CLU: variants seen among roughly 807,000 people sequenced by gnomAD.
The protein encoded by CLU is aging-associated protein 4.
CLU carries 25 observed loss-of-function variants against 46.4 expected under a neutral mutation model. The ratio of observed to expected loss-of-function variants is 0.54; its 90% confidence interval spans 0.39 to 0.75. The LOEUF (loss-of-function observed/expected upper bound fraction) is 0.75, where lower values mean the gene tolerates loss of function less well. CLU is among the 30% of genes least tolerant of loss of function. The pLI is 0.00. For missense variants in CLU, 504 were observed against 592.1 expected, an observed-to-expected ratio of 0.85 and a Z score of 1.54; for synonymous variants, 235 against 235.1, an observed-to-expected ratio of 1.00 and a Z score of 0.00.
rs2132846850 is a variant in CLU, at chr8:27,597,296, C to CT, written c.*944dup. 1 of 454,520 alleles carries CT rather than the reference C, an allele frequency of 2.2e-6. No individual in the cohort carries two copies. The highest frequency in any genetic ancestry group is 4.4e-6 in the Non-Finnish European group (1 of 226,788). 28.2% of individuals were successfully genotyped at this position (454,520 alleles called of 1,614,324 possible). Reference sequence around the variant, plus strand: ...TGAACGAAAAGCCTGAGCTTTAAGACTGAGATTGGTACCACGGGTAGTCAT... The same window carrying CT: ...TGAACGAAAAGCCTGAGCTTTAAGACTTGAGATTGGTACCACGGGTAGTCAT... On this transcript the variant is annotated 3_prime_UTR_variant, in exon 9 of 9. Coordinates refer to ENST00000316403, the MANE Select transcript of CLU (RefSeq NM_001831.4).
chr8:27,605,478 CA>C, intron 4 of CLU, 143 bp from the exon 5 acceptor site: 1 of 796,290 alleles, frequency 1.3e-6, no homozygotes, highest in South Asian at 1.5e-5. Flanking sequence ...CAGCTGGGAC[CA>C]GCCCCCAGCA....
chr8:27,611,235 C>A, intron 1 of CLU: 1 of 454,254 alleles, frequency 2.2e-6, no homozygotes, highest in South Asian at 1.6e-5. Flanking sequence ...TTGGGCCGGG[C>A]TGCCTGTGCA....
At chr8:27,610,423 C>T in intron 2 of CLU, 52 bp downstream of exon 2, 1 of 1,462,432 alleles carries the variant, frequency 6.8e-7, no homozygotes, top group Non-Finnish European at 9.6e-7. Context: ...CTACCCTGCC[C>T]TCTGACCTCA....
Position 27,605,276 on chromosome 8 carries a change from G to A in CLU, c.477C>T (p.Ile159=), listed in dbSNP as rs760175165. The A allele has an allele frequency of 2.2e-5, 35 of 1,614,074 alleles. No homozygotes were observed. Among genetic ancestry groups the A allele is most frequent in the East Asian group, 8.9e-5 (4 of 44,896 alleles). Reference sequence around the variant, plus strand: ...GCCGGTCGTTCTCCAGCAGGGAGTCGATGCGGTCACCATTCATCCAGAAGT... The same window carrying A: ...GCCGGTCGTTCTCCAGCAGGGAGTCAATGCGGTCACCATTCATCCAGAAGT... The part of the protein sequence containing the change: ...PFYFWMNGDR[I]DSLLENDRQQ... Residue 159 remains isoleucine (I), a synonymous_variant, in exon 5 of 9, where the codon ATC becomes ATT. Transcript: ENST00000316403.
At chr8:27,608,615 T>G (rs1464966678) in intron 3 of CLU, 3 of 513,062 alleles carry the variant, frequency 5.8e-6, no homozygotes, top group Non-Finnish European at 1.1e-5. Flanking sequence ...ACGCCACGCC[T>G]GTCTGGGCCC....
In CLU at chr8:27,598,493, T is replaced by TCCG; in HGVS notation, c.1304_1306dup (p.Ala435dup). The TCCG allele has an allele frequency of 6.2e-7, 1 of 1,614,112 alleles. No individual in the cohort carries two copies. Among genetic ancestry groups the TCCG allele is most frequent in the Non-Finnish European group, 8.5e-7 (1 of 1,180,036 alleles). On this transcript the variant is annotated inframe_insertion, in exon 8 of 9. Coordinates refer to ENST00000316403, the MANE Select transcript of CLU (RefSeq NM_001831.4). ...TTTGCGGTATTCCTGCAGCGCTTTCTCCGCCACGGTCTCCATAAATTTAGG... is the reference window on the plus strand; with the variant it reads ...TTTGCGGTATTCCTGCAGCGCTTTCTCCGCCGCCACGGTCTCCATAAATTTAGG...
intron 1 of CLU, among the ~76,000 whole-genome samples, chr8:27,613,427 C>G (rs577230573): frequency 2.0e-5 from 3 of 150,572 alleles, no homozygotes; most frequent in African/African-American, 7.3e-5. Flanking sequence ...GAAAGAAAAT[C>G]AATGACTGTG....
chr8:27,596,930 A>T lies in CLU; in HGVS notation c.*1311T>A, dbSNP rs552331350. 1.1e-5 allele frequency: 5 copies of T among 450,678 alleles called. No homozygotes were observed. In the Admixed American group the frequency reaches 1.2e-4, roughly 11 times the overall value. The allele number at this position is 450,678 out of a possible 1,614,324, so 27.9% of individuals were successfully genotyped here. A position where few individuals can be genotyped will look rare whatever the true frequency, so the allele number is the denominator to read the frequency against. On this transcript the variant is annotated 3_prime_UTR_variant, in exon 9 of 9. Transcript: ENST00000316403. ...GAAAAGAAAAAGTAACTTTTGAAAC[A>T]GTGTGACATTAATGTGACAATGTGA...
At chr8:27,602,672 T>C (rs893488422) in intron 6 of CLU, among the ~76,000 whole-genome samples, 2 of 152,026 alleles carry the variant, frequency 1.3e-5, no homozygotes, top group Non-Finnish European at 2.9e-5. Flanking sequence ...CAGTACGTGC[T>C]TATATGGTTG....
chr8:27,604,208 T>C, intron 6 of CLU, 83 bp downstream of exon 6: 2 of 1,080,790 alleles, frequency 1.9e-6, no homozygotes, highest in Non-Finnish European at 2.9e-6. Flanking sequence ...TCTGACTCCA[T>C]AAAGGCAGCA....
In CLU at chr8:27,608,957, T is replaced by A. The variant is rs372043736; in HGVS notation, c.227A>T (p.Glu76Val). ...ERKTLLSNLE[E>V]AKKKKEDALN... ...CCTGACCTCTTTCTTCTTCTTGGCT[T>A]CTTCTAGGTTGCTGAGCAGTGTCTT... Residue 76 changes from glutamate (E) to valine (V), a missense_variant, in exon 3 of 9, where the codon GAA (glutamate) becomes GTA (valine). Glu to Val is a moderately radical substitution (Grantham distance 121). This residue lies in a region of CLU where 73 missense variants were observed against 91.2 expected (regional missense o/e 0.80). Transcript: ENST00000316403. 3.1e-6 allele frequency: 5 copies of A among 1,614,244 alleles called. No homozygotes were observed.
chr8:27,601,109 C>T (rs1800712783), intron 6 of CLU, among the ~76,000 whole-genome samples: 1 of 152,156 alleles, frequency 6.6e-6, no homozygotes, highest in African/African-American at 2.4e-5. Flanking sequence ...AGTGCAATGG[C>T]GCGAGCTCAG....
At chr8:27,610,724 T>C (rs758492858) in intron 1 of CLU, 124 bp from the exon 2 acceptor site, 6 of 722,326 alleles carry the variant, frequency 8.3e-6, no homozygotes, top group Non-Finnish European at 1.5e-5. Context: ...CAGGCACTGC[T>C]GCACTTTTAT....
At chr8:27,605,980 C>A (rs1298894157) in intron 4 of CLU, among the ~76,000 whole-genome samples, 1 of 151,448 alleles carries the variant, frequency 6.6e-6, no homozygotes, top group Non-Finnish European at 1.5e-5. Flanking sequence ...GTCGAAGCTG[C>A]AGTGAAACAT....
At chr8:27,608,565 A>C (rs1426691954) in intron 3 of CLU, 1 of 419,544 alleles carries the variant, frequency 2.4e-6, no homozygotes, top group African/African-American at 2.0e-5. Flanking sequence ...CCTTAACCCT[A>C]ACCATATCAC....
rs1047504232 is a variant in CLU at position 27,598,584 on chromosome 8, C to A, written c.1216G>T (p.Val406Phe). The part of the protein sequence containing the change: ...SDVPSGVTEV[V>F]VKLFDSDPIT... ...GGATCAGAGTCAAAGAGCTTCACGA[C>A]CACCTCAGTGACACCGGAAGGAACG... Residue 406 changes from valine to phenylalanine, a missense_variant, in exon 8 of 9, where the codon GTC becomes TTC. Coordinates refer to ENST00000316403, the MANE Select transcript of CLU (RefSeq NM_001831.4). 1 of 1,614,160 alleles carries A rather than the reference C, an allele frequency of 6.2e-7. No individual in the cohort carries two copies. Among genetic ancestry groups the A allele is most frequent in the African/African-American group, 1.3e-5 (1 of 75,052 alleles).
At chr8:27,604,217 C>G in intron 6 of CLU, 74 bp downstream of exon 6, 1 of 1,155,016 alleles carries the variant, frequency 8.7e-7, no homozygotes, top group Non-Finnish European at 1.3e-6. Context: ...ATAAAGGCAG[C>G]ACCAGTGAGG....
chr8:27,598,049 C>G lies in CLU; in HGVS notation c.*192G>C. On this transcript the variant is annotated 3_prime_UTR_variant, in exon 9 of 9. Coordinates refer to ENST00000316403, the MANE Select transcript of CLU (RefSeq NM_001831.4). ...AGTTGCATGCAGGAGCAATTCTGTT[C>G]TTCCCATGAGCAGCAGAGTCGAGTG... 1 of 708,288 alleles carries G rather than the reference C, an allele frequency of 1.4e-6. No homozygotes were observed. The highest frequency in any genetic ancestry group is 1.5e-5 in the South Asian group (1 of 66,738). 43.9% of individuals were successfully genotyped at this position (708,288 alleles called of 1,614,324 possible). A position where few individuals can be genotyped will look rare whatever the true frequency, so the allele number is the denominator to read the frequency against.
At chr8:27,601,877 G>A (rs568697299) in intron 6 of CLU, among the ~76,000 whole-genome samples, 250 of 152,200 alleles carry the variant, frequency 1.6e-3, no homozygotes, top group Non-Finnish European at 3.0e-3. Context: ...GATCACTTGA[G>A]GTCAAGAGTT....
Sources: gnomAD v4.1 joint callset for allele counts (sites outside exome capture counted in the v4.1 genomes callset) on GRCh38, gnomAD v4.1.1 for gene constraint, gnomAD v4.1.1 regional missense constraint, MANE v1.5 for transcripts, NCBI Gene and HGNC (gene_info 2026-07-23, HGNC 2026-07-21) for gene names.